The following RAPGEF3 variants were observed in gnomAD, a reference collection of about 807,000 sequenced individuals.
RAPGEF3 encodes Rap guanine nucleotide exchange factor 3, also known as 9330170P05Rik.
In RAPGEF3, 103 loss-of-function variants were observed where a neutral mutation model predicts 129.8. The ratio of observed to expected loss-of-function variants is 0.79; its 90% CI spans 0.68 to 0.93. The LOEUF is 0.93. RAPGEF3 is among the 40% of genes least tolerant of loss of function. The pLI is 0.00. For missense variants in RAPGEF3, 1,117 were observed against 1,207.4 expected (o/e 0.93, Z 1.11); for synonymous variants, 436 against 482.6 (o/e 0.90, Z 1.26).
chr12:47,737,969 G>A (rs1268937303), intron 27 of RAPGEF3, 53 bp downstream of exon 27: 3 of 1,553,324 alleles, frequency 1.9e-6, no homozygotes, highest in African/African-American at 1.4e-5. Context: ...CCAGCCATGG[G>A]TAACTACCAT....
chr12:47,750,504 C>G, intron 6 of RAPGEF3, 79 bp from the exon 7 acceptor site: 1 of 1,319,558 alleles, frequency 7.6e-7, no homozygotes. Flanking sequence ...CCCACCCAGC[C>G]GATGCCTGTG....
rs546717867 is a variant in RAPGEF3, at chr12:47,740,804, A to G, written c.2069T>C (p.Val690Ala). 1 of 1,613,874 alleles carries G rather than the reference A, an allele frequency of 6.2e-7. No individual in the cohort carries two copies. The highest frequency in any genetic ancestry group is 8.5e-7 in the Non-Finnish European group (1 of 1,180,010). ...SIHQVELIHY[V>A]LGPQHLRDVT... ...ATCCCGCAGATGCTGGGGGCCCAGC[A>G]CATAGTGGATCAGCTCCACCTGGGT... The change falls in exon 21 of 28, where the codon GTG becomes GCG. Residue 690 changes from valine to alanine, a missense_variant. Physicochemically the swap from Val to Ala is moderately conservative, Grantham distance 64 (BLOSUM62 0). This residue lies in a region of RAPGEF3 where 643 missense variants were observed against 673.4 expected (regional missense o/e 0.95). Coordinates refer to ENST00000449771, the MANE Select transcript of RAPGEF3 (RefSeq NM_001098531.4).
Position 47,757,920 on chromosome 12 carries a change from G to A in RAPGEF3, c.165C>T (p.Ser55=), listed in dbSNP as rs1942184837. The change falls in exon 2 of 28, where the codon TCC becomes TCT. Residue 55 remains serine (S), a synonymous_variant. Transcript: ENST00000449771. ...LRRMHRPRSC[S]YQLLLEHQRP... is the part of the protein sequence containing the mutation. ...GCTGGTGCTCCAGCAGCAGCTGGTA[G>A]GAGCAGCTTCGGGGCCGGTGCATCC... is the stretch of plus-strand genomic sequence containing the variant. 1.3e-6 allele frequency: 2 copies of A among 1,557,200 alleles called. No homozygotes were observed. Among genetic ancestry groups the A allele is most frequent in the Non-Finnish European group, 1.7e-6 (2 of 1,150,292 alleles).
rs1555190358 is a variant in RAPGEF3 at position 47,749,321 on chromosome 12, C to T, written c.1041+69G>A. The stretch of plus-strand genomic sequence containing the variant: ...TTCTTACAGGCCCTCTGCTCTGGTC[C>T]CTACTCCTCTCTCCACATCACTTCT... On this transcript the variant is annotated intron_variant, in intron 10 of 27. Coordinates refer to ENST00000449771, the MANE Select transcript of RAPGEF3 (RefSeq NM_001098531.4). This position sits in a 1 kb window ranked among gnomAD's most constrained non-coding sequence, Gnocchi z 4.5. 1 of 1,003,850 alleles carries T rather than the reference C, an allele frequency of 1.0e-6. No individual in the cohort carries two copies. The highest frequency in any genetic ancestry group is 1.5e-6 in the Non-Finnish European group (1 of 669,884). 62.2% of individuals were successfully genotyped at this position (1,003,850 alleles called of 1,614,324 possible). A position where few individuals can be genotyped will look rare whatever the true frequency, so the allele number is the denominator to read the frequency against.
chr12:47,743,713 G>A, intron 17 of RAPGEF3, 37 bp from the exon 18 acceptor site: 1 of 1,590,798 alleles, frequency 6.3e-7, no homozygotes, highest in Non-Finnish European at 8.6e-7. Flanking sequence ...GGGAAGGGCT[G>A]CCTGATCTCC....
Position 47,737,265 on chromosome 12 carries a change from G to T in RAPGEF3, c.*302C>A. On this transcript the variant is annotated 3_prime_UTR_variant, in exon 28 of 28. Coordinates refer to ENST00000449771, the MANE Select transcript of RAPGEF3 (RefSeq NM_001098531.4). ...GAATCTGGAAGACATCTGGTGTGGAGACCTCTCTATTGCACACAACGTCCC... is the reference window on the plus strand; with the variant it reads ...GAATCTGGAAGACATCTGGTGTGGATACCTCTCTATTGCACACAACGTCCC... 2.6e-6 allele frequency: 1 copy of T among 381,554 alleles called. No individual in the cohort carries two copies. The highest frequency in any genetic ancestry group is 2.8e-5 in the South Asian group (1 of 35,398). 23.6% of individuals were successfully genotyped at this position (381,554 alleles called of 1,614,324 possible).
chr12:47,758,300 C>T, intron 1 of RAPGEF3: 3 of 1,432,748 alleles, frequency 2.1e-6, no homozygotes, highest in Non-Finnish European at 1.8e-6. Context: ...TGGAAAAGAT[C>T]AGGCCCTTCT....
chr12:47,757,978 G>C lies in RAPGEF3; in HGVS notation c.107C>G (p.Pro36Arg). ...PRVGALPDVV[P>R]EGTLLNMVLR... is the part of the protein sequence containing the mutation. ...CACCATGTTGAGTAGTGTCCCCTCC[G>C]GCACCACGTCAGGGAGGGCTCCCAC... The change falls in exon 2 of 28, where the codon CCG becomes CGG. Residue 36 changes from proline (P) to arginine (R), a missense_variant. Coordinates refer to ENST00000449771, the MANE Select transcript of RAPGEF3 (RefSeq NM_001098531.4). 3 of 1,566,846 alleles carry C rather than the reference G, an allele frequency of 1.9e-6. No individual in the cohort carries two copies. The highest frequency in any genetic ancestry group is 2.6e-6 in the Non-Finnish European group (3 of 1,155,436).
rs1462577538 is a variant in RAPGEF3, at chr12:47,736,087, T to C, written c.*1480A>G. 2.0e-5 allele frequency: 3 copies of C among 152,284 alleles called. No individual in the cohort carries two copies. Among genetic ancestry groups the C allele is most frequent in the Non-Finnish European group, 4.4e-5 (3 of 68,078 alleles). 9.4% of individuals were successfully genotyped at this position (152,284 alleles called of 1,614,324 possible). A position where few individuals can be genotyped will look rare whatever the true frequency, so the allele number is the denominator to read the frequency against. ...TACAGAGGCAGGAGCTACAGTTTTA[T>C]GTGTTTGTCACTAAGCGCTGTATGG... On this transcript the variant is annotated 3_prime_UTR_variant, in exon 28 of 28. Transcript: ENST00000449771.
Position 47,749,515 on chromosome 12 carries a change from C to CAT in RAPGEF3, c.914_915dup (p.Glu306MetfsTer12). ...GCCAGCTGTCCAAAATCATCTCCCT[C>CAT]ATGCAGGGTGGTCACCAGCCCCTGC... On this transcript the variant is annotated frameshift_variant, in exon 10 of 28. Coordinates refer to ENST00000449771, the MANE Select transcript of RAPGEF3 (RefSeq NM_001098531.4). LOFTEE classifies it high-confidence loss of function. This position sits in a 1 kb window ranked among gnomAD's most constrained non-coding sequence, Gnocchi z 4.5. The CAT allele has an allele frequency of 6.2e-7, 1 of 1,611,372 alleles. No homozygotes were observed. The highest frequency in any genetic ancestry group is 8.5e-7 in the Non-Finnish European group (1 of 1,179,994).
In RAPGEF3 at chr12:47,740,412, C is replaced by T; in HGVS notation, c.2232-17G>A. The T allele has an allele frequency of 6.2e-7, 1 of 1,611,778 alleles. No homozygotes were observed. Among genetic ancestry groups the T allele is most frequent in the South Asian group, 1.1e-5 (1 of 90,986 alleles). ...TCCTTGAGGCTGTGAGCAGAAGACC[C>T]AGAGACCCTCAGGGTAAGGGAAGCA... On this transcript the variant is annotated splice_polypyrimidine_tract_variant and intron_variant, in intron 21 of 27. Coordinates refer to ENST00000449771, the MANE Select transcript of RAPGEF3 (RefSeq NM_001098531.4).
Position 47,749,275 on chromosome 12 carries a change from A to C in RAPGEF3, c.1041+115T>G. ...GTCCCACTGCCAGCTGTCATAGCCC[A>C]GCATCTCTTACCTGCCCTGCTTCTT... On this transcript the variant is annotated intron_variant, in intron 10 of 27. Coordinates refer to ENST00000449771, the MANE Select transcript of RAPGEF3 (RefSeq NM_001098531.4). The surrounding 1 kb of genome is among the most constrained non-coding windows in gnomAD (Gnocchi z 4.5). 1.5e-6 allele frequency: 2 copies of C among 1,318,856 alleles called. No homozygotes were observed. The highest frequency in any genetic ancestry group is 2.1e-6 in the Non-Finnish European group (2 of 932,870). 81.7% of individuals were successfully genotyped at this position (1,318,856 alleles called of 1,614,324 possible).
intron 18 of RAPGEF3, among the ~76,000 whole-genome samples, chr12:47,742,557 G>T (rs533119488): frequency 6.6e-6 from 1 of 152,154 alleles, no homozygotes; most frequent in African/African-American, 2.4e-5. Flanking sequence ...CGTGCCCTCC[G>T]CAGAGAACAG....
intron 17 of RAPGEF3, 82 bp from the exon 18 acceptor site, chr12:47,743,758 G>A: frequency 6.5e-7 from 1 of 1,537,600 alleles, no homozygotes; most frequent in Non-Finnish European, 8.9e-7. Flanking sequence ...TTGCAGTAAT[G>A]GTGGGAGGGA....
At chr12:47,742,426 G>A in intron 18 of RAPGEF3, 1 of 152,296 alleles carries the variant, frequency 6.6e-6, no homozygotes, top group Non-Finnish European at 1.5e-5. Flanking sequence ...GTGCTTCCCA[G>A]GGCAGGGCAC....
In RAPGEF3 at chr12:47,749,840, C is replaced by G. The variant is rs73304415; in HGVS notation, c.818-23G>C. On this transcript the variant is annotated intron_variant, in intron 8 of 27. Coordinates refer to ENST00000449771, the MANE Select transcript of RAPGEF3 (RefSeq NM_001098531.4). The surrounding 1 kb of genome is among the most constrained non-coding windows in gnomAD (Gnocchi z 4.5). ...ACACTGACAGAAGCATACCTCAGAC[C>G]GGGCCCTCCTGGCACCTACCATTCC... 1.2e-6 allele frequency: 2 copies of G among 1,613,982 alleles called. No homozygotes were observed. The highest frequency in any genetic ancestry group is 1.7e-6 in the Non-Finnish European group (2 of 1,179,960).
chr12:47,757,875 C>T lies in RAPGEF3; in HGVS notation c.210G>A (p.Gly70=), dbSNP rs773301087. 36 of 1,554,638 alleles carry T rather than the reference C, an allele frequency of 2.3e-5. No individual in the cohort carries two copies. In the Admixed American group the frequency reaches 6.8e-4, roughly 29 times the overall value. The change falls in exon 2 of 28, where the codon GGG becomes GGA. Residue 70 remains glycine (G), a synonymous_variant. Coordinates refer to ENST00000449771, the MANE Select transcript of RAPGEF3 (RefSeq NM_001098531.4). ...LEHQRPSCIQ[G]LRWTPLTNSE... is the part of the protein sequence containing the mutation. ...GGTGAAAGGTACTCACCCAGCGCAG[C>T]CCCTGGATGCAGCTCGGACGCTGGT...
intron 7 of RAPGEF3, 49 bp from the exon 8 acceptor site, chr12:47,750,039 G>A: frequency 6.2e-7 from 1 of 1,607,936 alleles, no homozygotes; most frequent in South Asian, 1.1e-5. Flanking sequence ...CATGTGCAGA[G>A]CAGCCAGGCT....
chr12:47,741,446 C>T (rs1365587250), intron 19 of RAPGEF3, 59 bp downstream of exon 19: 1 of 1,503,338 alleles, frequency 6.7e-7, no homozygotes, highest in Admixed American at 1.7e-5. Context: ...CAGAATCCAC[C>T]ACTGCCACAC....
Sources: allele counts gnomAD v4.1 joint callset (sites outside exome capture counted in the v4.1 genomes callset), GRCh38; gene constraint gnomAD v4.1.1; regional missense constraint gnomAD v4.1.1; non-coding constraint Gnocchi (gnomAD v3.1); transcripts MANE v1.5; gene names NCBI Gene and HGNC (gene_info 2026-07-23, HGNC 2026-07-21).